The following MMP26 variants were observed in gnomAD, a reference collection of about 807,000 sequenced individuals.
MMP26 encodes the protein matrix metallopeptidase 26.
MMP26 carries 33 observed loss-of-function variants against 31.0 expected under a neutral mutation model. That is an observed-to-expected ratio of 1.06 (90% CI 0.81 to 1.42). The LOEUF (loss-of-function observed/expected upper bound fraction) is 1.42. Ranked by LOEUF, MMP26 falls within the 40% of genes most tolerant of loss-of-function variation. The probability of loss-of-function intolerance (pLI) is 0.00; values close to 1 mark genes in which losing one functional copy is unlikely to be tolerated. For missense variants in MMP26, 347 were observed against 316.1 expected, an observed-to-expected ratio of 1.10 and a Z score of -0.74; for synonymous variants, 122 against 114.9, an observed-to-expected ratio of 1.06 and a Z score of -0.40.
At chr11:4,797,785 C>T (rs569628964) in intron 2 of MMP26, among the ~76,000 whole-genome samples, 4 of 152,300 alleles carry the variant, frequency 2.6e-5, no homozygotes, top group African/African-American at 9.6e-5. Context: ...ATGTAAGCAT[C>T]TCCTTGGAAT....
intron 2 of MMP26, among the ~76,000 whole-genome samples, chr11:4,941,781 G>T (rs916753365): frequency 4.0e-5 from 2 of 49,716 alleles, no homozygotes; most frequent in Non-Finnish European, 9.2e-5. Flanking sequence ...TTTGCTGCAG[G>T]TTCTTTTTTT....
At chr11:4,923,769 A>C (rs528201654) in intron 2 of MMP26, 1 of 1,614,130 alleles carries the variant, frequency 6.2e-7, no homozygotes, top group Admixed American at 1.7e-5. Context: ...ATGCTAGAGC[A>C]GGCCAGCTTC....
In MMP26 at chr11:4,732,173, C is replaced by T. The variant is rs542250844; in HGVS notation, c.-217+27128C>T. Among the ~76,000 whole-genome samples, 10 of 152,230 alleles carry T rather than the reference C, an allele frequency of 6.6e-5. No individual in the cohort carries two copies. The South Asian group carries it at 1.9e-3, about 28-fold the overall frequency. ...ATCCCATTGAATTGCTTCCACTTCT[C>T]GTTCGATATTCTCCTGTACATATTT... On this transcript the variant is annotated intron_variant, in intron 1 of 7. Transcript: ENST00000380390.
At chr11:4,898,311 A>G (rs949485243) in intron 2 of MMP26, among the ~76,000 whole-genome samples, 1 of 151,878 alleles carries the variant, frequency 6.6e-6, no homozygotes, top group East Asian at 1.9e-4. Context: ...CTCTACTTGT[A>G]TATCTTTTTC....
At chr11:4,921,213 T>A in intron 2 of MMP26, among the ~76,000 whole-genome samples, 1 of 152,202 alleles carries the variant, frequency 6.6e-6, no homozygotes, top group Non-Finnish European at 1.5e-5. Flanking sequence ...GGGAAGCTCT[T>A]CTTTTCCCTA....
At chr11:4,825,754 G>A (rs1035821591) in intron 2 of MMP26, among the ~76,000 whole-genome samples, 3 of 152,102 alleles carry the variant, frequency 2.0e-5, no homozygotes, top group Non-Finnish European at 2.9e-5. Context: ...CTAGCAACCA[G>A]ATTTTGTTAT....
intron 1 of MMP26, among the ~76,000 whole-genome samples, chr11:4,762,713 A>G (rs1848582336): frequency 6.6e-6 from 1 of 152,136 alleles, no homozygotes; most frequent in Non-Finnish European, 1.5e-5. Flanking sequence ...TTGCTTTGTT[A>G]TACACTTTTA....
intron 2 of MMP26, among the ~76,000 whole-genome samples, chr11:4,940,582 T>G: frequency 6.6e-6 from 1 of 152,214 alleles, no homozygotes; most frequent in Non-Finnish European, 1.5e-5. Context: ...TCTTTTATGC[T>G]TGTAGGCACT....
chr11:4,725,429 T>C (rs1848086547), intron 1 of MMP26, among the ~76,000 whole-genome samples: 1 of 152,250 alleles, frequency 6.6e-6, no homozygotes, highest in Non-Finnish European at 1.5e-5. Context: ...AATGGTGAGC[T>C]AGCTTAGTGT....
chr11:4,837,557 A>C (rs1849735497), intron 2 of MMP26, among the ~76,000 whole-genome samples: 1 of 152,144 alleles, frequency 6.6e-6, no homozygotes, highest in South Asian at 2.1e-4. Flanking sequence ...GATTATTTGA[A>C]TAGGCTATTC....
chr11:4,802,700 C>T (rs1277904957), intron 2 of MMP26, among the ~76,000 whole-genome samples: 1 of 152,102 alleles, frequency 6.6e-6, no homozygotes, highest in Non-Finnish European at 1.5e-5. Context: ...CATCACTACT[C>T]CAAGCAGCTA....
At chr11:4,919,899 T>C (rs1024464267) in intron 2 of MMP26, among the ~76,000 whole-genome samples, 3 of 152,138 alleles carry the variant, frequency 2.0e-5, no homozygotes, top group African/African-American at 7.2e-5. Flanking sequence ...TCTTCCTGTC[T>C]CTGATCCACT....
At chr11:4,819,832 G>C (rs1050837557) in intron 2 of MMP26, among the ~76,000 whole-genome samples, 3 of 151,792 alleles carry the variant, frequency 2.0e-5, no homozygotes, top group African/African-American at 7.3e-5. Context: ...CTCCCGCCTC[G>C]ACCTCCCAAA....
At chr11:4,855,729 A>G (rs1850041483) in intron 2 of MMP26, among the ~76,000 whole-genome samples, 1 of 152,188 alleles carries the variant, frequency 6.6e-6, no homozygotes. Flanking sequence ...GAACGCCACA[A>G]TGATACTCCT....
At chr11:4,883,098 A>G (rs944258927) in intron 2 of MMP26, among the ~76,000 whole-genome samples, 1 of 152,170 alleles carries the variant, frequency 6.6e-6, no homozygotes, top group Non-Finnish European at 1.5e-5. Context: ...TCCCTGAACC[A>G]TTTTAAACAA....
intron 1 of MMP26, among the ~76,000 whole-genome samples, chr11:4,733,385 T>C (rs1848198782): frequency 6.6e-6 from 1 of 152,206 alleles, no homozygotes; most frequent in Non-Finnish European, 1.5e-5. Flanking sequence ...GAAAGTCTTA[T>C]GCCTCTTTAA....
At chr11:4,793,089 G>A (rs554207466) in intron 2 of MMP26, among the ~76,000 whole-genome samples, 2 of 152,254 alleles carry the variant, frequency 1.3e-5, no homozygotes, top group South Asian at 4.2e-4. Flanking sequence ...GAATGGGCGG[G>A]TGTGTTTAGA....
chr11:4,761,989 G>GAA (rs112964880), intron 1 of MMP26, among the ~76,000 whole-genome samples: 1 of 147,084 alleles, frequency 6.8e-6, no homozygotes, highest in East Asian at 2.0e-4. Context: ...CAACTACCAG[G>GAA]AAAAAAAAAA....
intron 2 of MMP26, among the ~76,000 whole-genome samples, chr11:4,776,165 A>T (rs1360707820): frequency 6.6e-6 from 1 of 152,170 alleles, no homozygotes; most frequent in Non-Finnish European, 1.5e-5. Flanking sequence ...CATTGTGCAC[A>T]TATGCCACAT....
Sources: gnomAD v4.1 joint callset for allele counts (sites outside exome capture counted in the v4.1 genomes callset) on GRCh38, gnomAD v4.1.1 for gene constraint, MANE v1.5 for transcripts, NCBI Gene and HGNC (gene_info 2026-07-23, HGNC 2026-07-21) for gene names.